The following EDIL3 variants were observed in gnomAD, a reference collection of about 807,000 sequenced individuals.
EDIL3 encodes the protein EGF-like repeat and discoidin I-like domain-containing protein 3.
A neutral mutation model predicts 67.4 loss-of-function variants in EDIL3; 37 were observed. That is an observed-to-expected ratio of 0.55 (90% CI 0.42 to 0.72). EDIL3 has a LOEUF of 0.72. Ranked by LOEUF, EDIL3 falls within the 30% of genes least tolerant of loss-of-function variation. The pLI, the probability that EDIL3 is intolerant of heterozygous loss-of-function variation, is 0.00. For synonymous variants in EDIL3, 195 were observed against 196.3 expected, an observed-to-expected ratio of 0.99 and a Z score of 0.05; for missense variants, 527 against 586.3, an observed-to-expected ratio of 0.90 and a Z score of 1.04.
chr5:84,084,957 G>A (rs1257575490), intron 6 of EDIL3, among the ~76,000 whole-genome samples: 1 of 152,146 alleles, frequency 6.6e-6, no homozygotes, highest in Non-Finnish European at 1.5e-5. Flanking sequence ...AATTCACCTT[G>A]CATTGTAATT....
At chr5:84,302,590 C>G (rs1421699324) in intron 1 of EDIL3, among the ~76,000 whole-genome samples, 1 of 152,212 alleles carries the variant, frequency 6.6e-6, no homozygotes, top group East Asian at 1.9e-4. Flanking sequence ...GCCACTGCGT[C>G]CAGCCCCAAT....
At chr5:84,052,767 A>AAT in intron 9 of EDIL3, among the ~76,000 whole-genome samples, 1 of 152,342 alleles carries the variant, frequency 6.6e-6, no homozygotes, top group East Asian at 1.9e-4. Flanking sequence ...AACTATTCTA[A>AAT]ATATATATGC....
chr5:84,143,347 C>T (rs764767356), intron 4 of EDIL3, among the ~76,000 whole-genome samples: 4 of 151,986 alleles, frequency 2.6e-5, no homozygotes, highest in Non-Finnish European at 5.9e-5. Flanking sequence ...TCAGTCAGAA[C>T]GTATCACACA....
rs150824709 is a variant in EDIL3 at position 84,377,245 on chromosome 5, G to A, written c.67+7063C>T. ...GGAGAATGGTGTGAACCCGGGAGGCGGAGCTTGCAGTGAGTTGAGATCGCG... is the reference window on the plus strand; with the variant it reads ...GGAGAATGGTGTGAACCCGGGAGGCAGAGCTTGCAGTGAGTTGAGATCGCG... On this transcript the variant is annotated intron_variant, in intron 1 of 10. Transcript: ENST00000296591. 9.1e-4 allele frequency among the ~76,000 whole-genome samples: 138 copies of A among 151,656 alleles called. 1 individual carries two copies. In the East Asian group the frequency reaches 0.024, roughly 26 times the overall value.
At chr5:83,987,867 A>G (rs199753628) in intron 9 of EDIL3, among the ~76,000 whole-genome samples, 26 of 66,220 alleles carry the variant, frequency 3.9e-4, no homozygotes, top group African/African-American at 1.2e-3. Context: ...GTGTGTGTGT[A>G]TGTATATATA....
chr5:84,178,402 C>G (rs1294108251), intron 4 of EDIL3, among the ~76,000 whole-genome samples: 1 of 152,108 alleles, frequency 6.6e-6, no homozygotes, highest in South Asian at 2.1e-4. Context: ...ACCTAGCAAT[C>G]CTTGCAAGAG....
Position 84,109,070 on chromosome 5 carries a change from C to T in EDIL3, c.470-2240G>A, listed in dbSNP as rs75556815. On this transcript the variant is annotated intron_variant, in intron 5 of 10. Coordinates refer to ENST00000296591, the MANE Select transcript of EDIL3 (RefSeq NM_005711.5). Reference sequence around the variant, plus strand: ...CTTTAGTAGCTAACATATCAGGAAACTCATTGACTTTGAACTGTTGTATTT... The same window carrying T: ...CTTTAGTAGCTAACATATCAGGAAATTCATTGACTTTGAACTGTTGTATTT... 6.6e-3 allele frequency among the ~76,000 whole-genome samples: 1,003 copies of T among 152,226 alleles called. 10 individuals are homozygous for T. The highest frequency in any genetic ancestry group is 0.023 in the African/African-American group (955 of 41,526).
chr5:84,369,598 G>T (rs1357275215), intron 1 of EDIL3, among the ~76,000 whole-genome samples: 1 of 151,880 alleles, frequency 6.6e-6, no homozygotes, highest in Non-Finnish European at 1.5e-5. Flanking sequence ...GGAGAAATGG[G>T]GAATTATTGT....
intron 2 of EDIL3, among the ~76,000 whole-genome samples, chr5:84,234,294 C>T (rs1235312790): frequency 6.6e-6 from 1 of 152,142 alleles, no homozygotes; most frequent in Non-Finnish European, 1.5e-5. Flanking sequence ...GACATTCCAC[C>T]AGTGTACATG....
chr5:84,196,905 T>A (rs1743721105), intron 3 of EDIL3: 1 of 152,000 alleles, frequency 6.6e-6, no homozygotes, highest in Admixed American at 6.6e-5. Flanking sequence ...GATGCACATA[T>A]ACTAAGATTG....
At chr5:84,096,114 G>C (rs1033149507) in intron 6 of EDIL3, among the ~76,000 whole-genome samples, 2 of 152,176 alleles carry the variant, frequency 1.3e-5, no homozygotes, top group African/African-American at 2.4e-5. Flanking sequence ...GGCCCTCATG[G>C]AAAACCTCTG....
At chr5:84,016,112 T>C (rs1745599573) in intron 9 of EDIL3, among the ~76,000 whole-genome samples, 1 of 152,182 alleles carries the variant, frequency 6.6e-6, no homozygotes, top group Non-Finnish European at 1.5e-5. Flanking sequence ...TCTCATCATT[T>C]AGCTTCCATT....
intron 3 of EDIL3, among the ~76,000 whole-genome samples, chr5:84,183,887 C>A (rs1394823804): frequency 6.6e-6 from 1 of 152,090 alleles, no homozygotes; most frequent in Non-Finnish European, 1.5e-5. Context: ...GGGTGGATAA[C>A]CTGAGGTCAA....
At chr5:84,060,270 G>T in intron 9 of EDIL3, 30 bp downstream of exon 9, 1 of 1,607,662 alleles carries the variant, frequency 6.2e-7, no homozygotes. Context: ...GAGGAACAGT[G>T]GGTAGTGAAA....
chr5:84,216,438 C>T (rs342417), intron 3 of EDIL3, among the ~76,000 whole-genome samples: 87,347 of 151,908 alleles, frequency 0.57, 25,542 homozygotes, highest in East Asian at 0.71. Flanking sequence ...TTTACAATTC[C>T]AAAAAATATA....
chr5:84,297,221 G>A (rs1412114930), intron 1 of EDIL3, among the ~76,000 whole-genome samples: 5 of 148,086 alleles, frequency 3.4e-5, no homozygotes, highest in Admixed American at 2.0e-4. Context: ...AGTGGGTAGA[G>A]GACATAAACA....
chr5:84,259,268 CT>C (rs746035032), intron 1 of EDIL3, among the ~76,000 whole-genome samples: 4 of 151,994 alleles, frequency 2.6e-5, no homozygotes, highest in Non-Finnish European at 4.4e-5. Flanking sequence ...CTGGTAAAGT[CT>C]TTTAAAACTG....
intron 5 of EDIL3, among the ~76,000 whole-genome samples, chr5:84,116,249 G>A (rs1413709162): frequency 6.7e-6 from 1 of 149,644 alleles, no homozygotes; most frequent in Non-Finnish European, 1.5e-5. Flanking sequence ...AGGTGCCAAG[G>A]AAAGACATAC....
chr5:84,374,844 G>T (rs1206152759), intron 1 of EDIL3, among the ~76,000 whole-genome samples: 1 of 152,048 alleles, frequency 6.6e-6, no homozygotes, highest in African/African-American at 2.4e-5. Flanking sequence ...CGTGAAGAAG[G>T]TCCTTGCTTC....
Sources: gnomAD v4.1 joint callset for allele counts (sites outside exome capture counted in the v4.1 genomes callset) on GRCh38, gnomAD v4.1.1 for gene constraint, MANE v1.5 for transcripts, NCBI Gene and HGNC (gene_info 2026-07-23, HGNC 2026-07-21) for gene names.